HTT: variants seen among roughly 807,000 people sequenced by gnomAD.
The protein encoded by HTT is huntingtin.
HTT carries 104 observed loss-of-function variants against 362.3 expected under a neutral mutation model. The ratio of observed to expected loss-of-function variants is 0.29; its 90% confidence interval spans 0.24 to 0.34. The LOEUF is 0.34. Among genes scored for constraint, HTT ranks in the 10% least tolerant of loss-of-function variants. HTT has a pLI of 1.00. For missense variants in HTT, 3,301 were observed against 3,928.6 expected, an observed-to-expected ratio of 0.84 and a Z score of 4.27; for synonymous variants, 1,577 against 1,548.7, an observed-to-expected ratio of 1.02 and a Z score of -0.43.
At chr4:3,186,889 C>T (rs188072823) in intron 38 of HTT, among the ~76,000 whole-genome samples, 170 bp downstream of exon 38, 2,222 of 138,540 alleles carry the variant, frequency 0.016, 55 homozygotes, top group Admixed American at 0.077. Flanking sequence ...AACAGAGTCT[C>T]ACTCTGTCGC....
intron 47 of HTT, among the ~76,000 whole-genome samples, 167 bp downstream of exon 47, chr4:3,210,116 G>A (rs979393817): frequency 6.6e-6 from 1 of 152,196 alleles, no homozygotes; most frequent in Non-Finnish European, 1.5e-5. Flanking sequence ...GGGCCGGGAA[G>A]TGGGGAGGAC....
chr4:3,117,729 A>T (rs1715100907), intron 8 of HTT, among the ~76,000 whole-genome samples: 1 of 152,062 alleles, frequency 6.6e-6, no homozygotes, highest in Non-Finnish European at 1.5e-5. Flanking sequence ...GCTACTTGGG[A>T]GGCTGAGATG....
At chr4:3,214,902 A>C (rs1720326018) in intron 50 of HTT, among the ~76,000 whole-genome samples, 3 of 152,240 alleles carry the variant, frequency 2.0e-5, no homozygotes. Flanking sequence ...TGAAATCTGA[A>C]GTTCAAATCT....
intron 29 of HTT, among the ~76,000 whole-genome samples, chr4:3,160,876 TTTC>T (rs986672678): frequency 4.6e-5 from 7 of 152,220 alleles, no homozygotes; most frequent in African/African-American, 1.7e-4. Flanking sequence ...TCTCGTAGAT[TTTC>T]TTTTTCTTTT....
At chr4:3,181,157 C>T (rs868843973) in intron 36 of HTT, among the ~76,000 whole-genome samples, 3 of 152,058 alleles carry the variant, frequency 2.0e-5, no homozygotes, top group Non-Finnish European at 4.4e-5. Flanking sequence ...GCTAGGATTA[C>T]AGGCGTGAGC....
At chr4:3,142,235 T>G (rs1716383552) in intron 22 of HTT, among the ~76,000 whole-genome samples, 1 of 152,222 alleles carries the variant, frequency 6.6e-6, no homozygotes, top group African/African-American at 2.4e-5. Context: ...TTGTTGAGTG[T>G]CTCCGTGGAC....
chr4:3,116,416 C>T (rs1578511416), intron 8 of HTT, among the ~76,000 whole-genome samples, 153 bp downstream of exon 8: 1 of 152,308 alleles, frequency 6.6e-6, no homozygotes, highest in Non-Finnish European at 1.5e-5. Flanking sequence ...TGACCTCTAG[C>T]TGTCTTCCCT....
intron 61 of HTT, among the ~76,000 whole-genome samples, chr4:3,234,986 G>T (rs996408653): frequency 6.6e-6 from 1 of 152,182 alleles, no homozygotes; most frequent in Admixed American, 6.5e-5. Context: ...CCTCGTTGAG[G>T]GACAGAGAGA....
Position 3,228,765 on chromosome 4 carries a change from C to CT in HTT, c.7979+25dup. The CT allele has an allele frequency of 6.4e-7, 1 of 1,567,050 alleles. No homozygotes were observed. On this transcript the variant is annotated intron_variant, in intron 58 of 66. Coordinates refer to ENST00000355072, the MANE Select transcript of HTT (RefSeq NM_001388492.1). This position sits in a 1 kb window ranked among gnomAD's most constrained non-coding sequence, Gnocchi z 4.3. Reference sequence around the variant, plus strand: ...CTCCAGGTTTTCCAATGGCCTTTTTCTTTTTAACAGAAATTTGAAATTTCT... The same window carrying CT: ...CTCCAGGTTTTCCAATGGCCTTTTTCTTTTTTAACAGAAATTTGAAATTTCT...
Position 3,086,945 on chromosome 4 carries a change from A to C in HTT, c.270A>C (p.Lys90Asn). The change falls in exon 2 of 67, where the codon AAA (lysine) becomes AAC (asparagine). Residue 90 changes from lysine (K) to asparagine (N), a missense_variant. Physicochemically the swap from Lys to Asn is moderately conservative, Grantham distance 94. Around this residue, in one of 4 missense-constraint regions of HTT, gnomAD observed 2,316 missense variants for 2,658.5 expected, o/e 0.87. Transcript: ENST00000355072. ...VAEEPLHRPK[K>N]ELSATKKDRV... is the part of the protein sequence containing the mutation. ...TTCTTTTTTTTATTTTTAGAAAGAA[A>C]GAACTTTCAGCTACCAAGAAAGACC... 6.3e-7 allele frequency: 1 copy of C among 1,587,480 alleles called. No individual in the cohort carries two copies. Among genetic ancestry groups the C allele is most frequent in the Non-Finnish European group, 8.6e-7 (1 of 1,157,014 alleles).
intron 10 of HTT, among the ~76,000 whole-genome samples, chr4:3,124,092 G>A (rs1019704737): frequency 6.6e-6 from 1 of 152,178 alleles, no homozygotes; most frequent in Admixed American, 6.5e-5. Flanking sequence ...TAATATTTGC[G>A]TCATCATAGT....
At chr4:3,235,219 T>A in intron 61 of HTT, 65 bp from the exon 62 acceptor site, 2 of 1,139,302 alleles carry the variant, frequency 1.8e-6, no homozygotes, top group South Asian at 2.5e-5. Context: ...GGGCCGGACA[T>A]GCTGTGAAGC....
At chr4:3,233,636 G>C (rs939518414) in intron 61 of HTT, among the ~76,000 whole-genome samples, 1 of 152,188 alleles carries the variant, frequency 6.6e-6, no homozygotes, top group Admixed American at 6.5e-5. Flanking sequence ...CTCTGCTCTC[G>C]AGGCCATCGG....
In HTT at chr4:3,116,080, C is replaced by A. The variant is rs748858204; in HGVS notation, c.890-5C>A. On this transcript the variant is annotated splice_polypyrimidine_tract_variant and splice_region_variant and intron_variant, in intron 7 of 66. Coordinates refer to ENST00000355072, the MANE Select transcript of HTT (RefSeq NM_001388492.1). ...TGTTAAGATGTCTTGCTTCCACCCC[C>A]ACAGGCTTACTCGTTCCTGTCGAGG... is the stretch of plus-strand genomic sequence containing the variant. The A allele has an allele frequency of 2.5e-6, 4 of 1,601,036 alleles. No homozygotes were observed. Among genetic ancestry groups the A allele is most frequent in the African/African-American group, 1.3e-5 (1 of 74,672 alleles).
At chr4:3,095,788 A>G (rs1713827374) in intron 2 of HTT, among the ~76,000 whole-genome samples, 1 of 152,246 alleles carries the variant, frequency 6.6e-6, no homozygotes, top group Admixed American at 6.5e-5. Context: ...TAATGAACCA[A>G]AAAAGGAGAT....
At chr4:3,152,138 G>A (rs1031288799) in intron 26 of HTT, among the ~76,000 whole-genome samples, 4 of 148,960 alleles carry the variant, frequency 2.7e-5, no homozygotes, top group African/African-American at 9.9e-5. Context: ...TCAGCCTGTC[G>A]CCCAGGCTGG....
intron 40 of HTT, among the ~76,000 whole-genome samples, chr4:3,199,274 G>A (rs542590796): frequency 2.0e-5 from 3 of 152,326 alleles, no homozygotes; most frequent in Admixed American, 6.5e-5. Context: ...CAGGCACGGC[G>A]GCTCACGCCT....
At chr4:3,097,206 CAATA>C (rs1244509792) in intron 2 of HTT, among the ~76,000 whole-genome samples, 1 of 152,016 alleles carries the variant, frequency 6.6e-6, no homozygotes, top group African/African-American at 2.4e-5. Context: ...CATAGGAAAT[CAATA>C]AAACCAAAAG....
intron 8 of HTT, among the ~76,000 whole-genome samples, chr4:3,118,469 T>A (rs1715136448): frequency 6.6e-6 from 1 of 152,172 alleles, no homozygotes; most frequent in Non-Finnish European, 1.5e-5. Context: ...GGCACAGAGT[T>A]GGGAGAAGAC....
Sources: gnomAD v4.1 joint callset for allele counts (sites outside exome capture counted in the v4.1 genomes callset) on GRCh38, gnomAD v4.1.1 for gene constraint, gnomAD v4.1.1 regional missense constraint, Gnocchi (gnomAD v3.1) non-coding constraint, MANE v1.5 for transcripts, NCBI Gene and HGNC (gene_info 2026-07-23, HGNC 2026-07-21) for gene names.